The following ADAM19 variants were observed in gnomAD, a reference collection of about 807,000 sequenced individuals.
The protein encoded by ADAM19 is disintegrin and metalloproteinase domain-containing protein 19.
ADAM19 carries 65 observed loss-of-function variants against 114.7 expected under a neutral mutation model. That is an observed-to-expected ratio of 0.57 (90% CI 0.46 to 0.70). The LOEUF (loss-of-function observed/expected upper bound fraction) is 0.70. Among genes scored for constraint, ADAM19 ranks in the 30% least tolerant of loss-of-function variants. ADAM19 has a pLI of 0.00. For synonymous variants in ADAM19, 466 were observed against 460.5 expected, an observed-to-expected ratio of 1.01 and a Z score of -0.15; for missense variants, 1,063 against 1,204.7, an observed-to-expected ratio of 0.88 and a Z score of 1.74.
chr5:157,478,432 C>T lies in ADAM19; in HGVS notation c.*2517G>A, dbSNP rs912387398. Reference sequence around the variant, plus strand: ...GACGCTTGCAGATCTTGCCATCGGTCGGTCTGAGCCTTTTCACTATTCCCA... The same window carrying T: ...GACGCTTGCAGATCTTGCCATCGGTTGGTCTGAGCCTTTTCACTATTCCCA... On this transcript the variant is annotated 3_prime_UTR_variant, in exon 23 of 23. Coordinates refer to ENST00000257527, the MANE Select transcript of ADAM19 (RefSeq NM_033274.5). 1.2e-4 allele frequency: 42 copies of T among 346,104 alleles called. No homozygotes were observed. The highest frequency in any genetic ancestry group is 1.7e-4 in the Non-Finnish European group (41 of 245,818). The allele number at this position is 346,104 out of a possible 1,614,324, so 21.4% of individuals were successfully genotyped here.
chr5:157,536,092 C>T (rs998278619), intron 4 of ADAM19, among the ~76,000 whole-genome samples: 1 of 152,252 alleles, frequency 6.6e-6, no homozygotes, highest in African/African-American at 2.4e-5. Context: ...ACACTACCAA[C>T]TCCTTCCCCA....
At chr5:157,572,016 C>A (rs1347039208) in intron 1 of ADAM19, among the ~76,000 whole-genome samples, 2 of 152,214 alleles carry the variant, frequency 1.3e-5, no homozygotes, top group Non-Finnish European at 2.9e-5. Context: ...CTTTCTACTT[C>A]CCAAATCACT....
intron 3 of ADAM19, among the ~76,000 whole-genome samples, chr5:157,553,677 A>G (rs1757266923): frequency 6.6e-6 from 1 of 152,244 alleles, no homozygotes; most frequent in Non-Finnish European, 1.5e-5. Flanking sequence ...CTTAAAGATT[A>G]TGTACAATCC....
At chr5:157,516,818 T>C (rs561105023) in intron 7 of ADAM19, among the ~76,000 whole-genome samples, 1 of 152,146 alleles carries the variant, frequency 6.6e-6, no homozygotes, top group African/African-American at 2.4e-5. Flanking sequence ...GTCAGTTATC[T>C]CCTCCCACGA....
At chr5:157,492,064 G>A (rs371724340) in intron 16 of ADAM19, 152 bp from the exon 17 acceptor site, 3 of 653,986 alleles carry the variant, frequency 4.6e-6, no homozygotes, top group South Asian at 1.7e-5. Context: ...GGCTGAGGTG[G>A]GCGGATCACC....
intron 5 of ADAM19, among the ~76,000 whole-genome samples, chr5:157,529,301 T>C (rs1161091858): frequency 2.0e-5 from 3 of 149,466 alleles, no homozygotes; most frequent in Non-Finnish European, 3.0e-5. Context: ...TACCAGGTTT[T>C]TTAGATCATC....
At chr5:157,481,109 C>A in intron 22 of ADAM19, 107 bp from the exon 23 acceptor site, 1 of 1,446,990 alleles carries the variant, frequency 6.9e-7, no homozygotes, top group African/African-American at 1.4e-5. Context: ...GGACCACCCA[C>A]TGAGAACAAA....
rs376945649 is a variant in ADAM19 at position 157,496,885 on chromosome 5, G to A, written c.1594+9C>T. 1.1e-4 allele frequency: 177 copies of A among 1,559,508 alleles called. No homozygotes were observed. The highest frequency in any genetic ancestry group is 1.8e-4 in the Admixed American group (9 of 50,652). ...CTGGGGAGAGCCGTGCTCCCCAGGAGAGCCTTACCGGGTCCCCACAGCTGC... is the reference window on the plus strand; with the variant it reads ...CTGGGGAGAGCCGTGCTCCCCAGGAAAGCCTTACCGGGTCCCCACAGCTGC... On this transcript the variant is annotated intron_variant, in intron 14 of 22. Transcript: ENST00000257527.
At chr5:157,497,190 C>T (rs1755393068) in intron 13 of ADAM19, 101 bp from the exon 14 acceptor site, 5 of 1,114,324 alleles carry the variant, frequency 4.5e-6, no homozygotes, top group Non-Finnish European at 6.0e-6. Flanking sequence ...ACAGAATTTT[C>T]CATTACCATG....
At chr5:157,536,594 C>T (rs1756773242) in intron 4 of ADAM19, among the ~76,000 whole-genome samples, 1 of 152,132 alleles carries the variant, frequency 6.6e-6, no homozygotes, top group South Asian at 2.1e-4. Context: ...CACCACTGCA[C>T]TCCAGCCTAG....
At chr5:157,499,501 C>T (rs1267458109) in intron 13 of ADAM19, 72 bp downstream of exon 13, 26 of 1,335,018 alleles carry the variant, frequency 1.9e-5, no homozygotes, top group Non-Finnish European at 2.3e-5. Context: ...CCCAGCCATC[C>T]ACCCCAGCAG....
chr5:157,550,879 T>C (rs1289452382), intron 3 of ADAM19, among the ~76,000 whole-genome samples: 1 of 152,222 alleles, frequency 6.6e-6, no homozygotes, highest in Non-Finnish European at 1.5e-5. Context: ...CAGTTGGGTA[T>C]ACAGTGATTC....
In ADAM19 at chr5:157,479,151, G is replaced by A. The variant is rs975324182; in HGVS notation, c.*1798C>T. ...CAAGGATGACCCACGGCAAGGACAT[G>A]GGGAACCTGTATCACAGCCACCCTG... On this transcript the variant is annotated 3_prime_UTR_variant, in exon 23 of 23. Coordinates refer to ENST00000257527, the MANE Select transcript of ADAM19 (RefSeq NM_033274.5). 1.8e-5 allele frequency: 18 copies of A among 985,784 alleles called. No homozygotes were observed. The highest frequency in any genetic ancestry group is 2.0e-5 in the Non-Finnish European group (17 of 829,980). The allele number at this position is 985,784 out of a possible 1,614,324, so 61.1% of individuals were successfully genotyped here. A position where few individuals can be genotyped will look rare whatever the true frequency, so the allele number is the denominator to read the frequency against.
chr5:157,562,788 C>G (rs1757544709), intron 3 of ADAM19, among the ~76,000 whole-genome samples: 1 of 152,130 alleles, frequency 6.6e-6, no homozygotes, highest in South Asian at 2.1e-4. Context: ...CTTTAGCTTC[C>G]TATGGTCTGT....
chr5:157,499,511 G>A, intron 13 of ADAM19, 62 bp downstream of exon 13: 3 of 1,415,192 alleles, frequency 2.1e-6, no homozygotes, highest in Non-Finnish European at 3.0e-6. Context: ...CACCCCAGCA[G>A]AGCAGTCCTG....
intron 21 of ADAM19, among the ~76,000 whole-genome samples, chr5:157,485,540 T>A (rs997095561): frequency 2.6e-5 from 4 of 152,220 alleles, no homozygotes; most frequent in African/African-American, 9.6e-5. Flanking sequence ...GTCCTCTTCC[T>A]ATGGAATACA....
At position 157,558,108 on chromosome 5, in the gene ADAM19, T is replaced by C. The variant is rs528699769; in HGVS notation, c.251+6265A>G. Among the ~76,000 whole-genome samples, 3 of 152,350 alleles carry C rather than the reference T, an allele frequency of 2.0e-5. No individual in the cohort carries two copies. The South Asian group carries it at 6.2e-4, about 32-fold the overall frequency. On this transcript the variant is annotated intron_variant, in intron 3 of 22. Coordinates refer to ENST00000257527, the MANE Select transcript of ADAM19 (RefSeq NM_033274.5). Reference sequence around the variant, plus strand: ...ACATCTCAAACAGGACTACCAGGTCTCTCTGGAATGACGTGCCTAGCAAAG... The same window carrying C: ...ACATCTCAAACAGGACTACCAGGTCCCTCTGGAATGACGTGCCTAGCAAAG...
rs1260482826 is a variant in ADAM19, at chr5:157,509,308, A to G, written c.898T>C (p.Leu300=). ...TGGAAAAAGGCTATTTACGTGATTA[A>G]TTGGGCGTTGTCATGGTACTTCTGG... is the stretch of plus-strand genomic sequence containing the variant. ...LAQKYHDNAQ[L]ITGMSFHGTT... Residue 300 remains leucine, a synonymous_variant, in exon 9 of 23, where the codon TTA becomes CTA. Coordinates refer to ENST00000257527, the MANE Select transcript of ADAM19 (RefSeq NM_033274.5). 1.2e-6 allele frequency: 2 copies of G among 1,607,978 alleles called. No individual in the cohort carries two copies. Among genetic ancestry groups the G allele is most frequent in the Non-Finnish European group, 1.7e-6 (2 of 1,176,264 alleles).
intron 3 of ADAM19, among the ~76,000 whole-genome samples, chr5:157,556,172 T>C (rs1757360247): frequency 6.6e-6 from 1 of 150,842 alleles, no homozygotes; most frequent in East Asian, 2.0e-4. Flanking sequence ...ACCTGTTTTA[T>C]CAGCAAGGTT....
Sources: gnomAD v4.1 joint callset for allele counts (sites outside exome capture counted in the v4.1 genomes callset) on GRCh38, gnomAD v4.1.1 for gene constraint, MANE v1.5 for transcripts, NCBI Gene and HGNC (gene_info 2026-07-23, HGNC 2026-07-21) for gene names.